Variants in COL11A1 observed in about 807,000 individuals in gnomAD.
The protein encoded by COL11A1 is collagen type XI alpha 1 chain, also known as collagen alpha-1(XI) chain.
In COL11A1, 74 loss-of-function variants were observed where a neutral mutation model predicts 265.2. That is an observed-to-expected ratio of 0.28 (90% CI 0.23 to 0.34). The LOEUF is 0.34. Ranked by LOEUF, COL11A1 falls within the 10% of genes least tolerant of loss-of-function variation. The pLI, the probability that COL11A1 is intolerant of heterozygous loss-of-function variation, is 1.00. For synonymous variants in COL11A1, 816 were observed against 727.6 expected (o/e 1.12, Z -1.96); for missense variants, 2,165 against 2,263.6 (o/e 0.96, Z 0.88).
At chr1:103,105,510 G>A (rs947349512) in intron 1 of COL11A1, among the ~76,000 whole-genome samples, 1 of 151,826 alleles carries the variant, frequency 6.6e-6, no homozygotes, top group African/African-American at 2.4e-5. Flanking sequence ...ATTTTCTTTA[G>A]AGTCTAACTT....
chr1:103,075,306 C>G (rs1671891093), intron 3 of COL11A1, among the ~76,000 whole-genome samples: 1 of 152,156 alleles, frequency 6.6e-6, no homozygotes, highest in South Asian at 2.1e-4. Flanking sequence ...GCTTCTCTGT[C>G]TTTATTCACA....
intron 54 of COL11A1, among the ~76,000 whole-genome samples, chr1:102,906,080 A>G (rs1653947793): frequency 6.6e-6 from 1 of 152,178 alleles, no homozygotes; most frequent in Admixed American, 6.5e-5. Context: ...CCCTTATTCA[A>G]TGCTTAATAA....
chr1:103,068,220 T>G (rs1671302612), intron 4 of COL11A1, among the ~76,000 whole-genome samples: 1 of 151,694 alleles, frequency 6.6e-6, no homozygotes, highest in Non-Finnish European at 1.5e-5. Context: ...AATTATATGT[T>G]ACATTAATAA....
At chr1:103,001,117 A>AG in intron 24 of COL11A1, 1 of 397,450 alleles carries the variant, frequency 2.5e-6, no homozygotes, top group East Asian at 3.6e-5. Flanking sequence ...GCTAGGTCTG[A>AG]GGGGGTGGAA....
chr1:103,074,548 T>A (rs1293850290), intron 4 of COL11A1, 70 bp downstream of exon 4: 1 of 1,560,098 alleles, frequency 6.4e-7, no homozygotes, highest in African/African-American at 1.4e-5. Context: ...TATAAAGCGA[T>A]ATTTTTACTG....
chr1:103,105,004 C>A (rs1674579508), intron 1 of COL11A1, among the ~76,000 whole-genome samples: 1 of 152,068 alleles, frequency 6.6e-6, no homozygotes, highest in Non-Finnish European at 1.5e-5. Context: ...GTTTGATCAG[C>A]CTTTTACAAG....
intron 43 of COL11A1, 117 bp from the exon 44 acceptor site, chr1:102,939,205 A>G: frequency 1.1e-6 from 1 of 933,514 alleles, no homozygotes. Context: ...GTGTAATGTC[A>G]CTGTTTAAAA....
chr1:102,920,207 A>G (rs1655816195), intron 49 of COL11A1, 104 bp downstream of exon 49: 2 of 1,026,644 alleles, frequency 1.9e-6, no homozygotes, highest in African/African-American at 3.1e-5. Flanking sequence ...TAACTATGTA[A>G]AAGGCTTAGA....
chr1:102,959,901 A>G (rs1660733484), intron 41 of COL11A1, among the ~76,000 whole-genome samples: 1 of 152,170 alleles, frequency 6.6e-6, no homozygotes, highest in African/African-American at 2.4e-5. Flanking sequence ...AGCTCAGATG[A>G]TTAGTTCAGT....
chr1:102,985,052 G>C (rs1015519916), intron 30 of COL11A1, among the ~76,000 whole-genome samples: 1 of 151,270 alleles, frequency 6.6e-6, no homozygotes, highest in Non-Finnish European at 1.5e-5. Context: ...GATAAAAAAA[G>C]AATTGAATAA....
rs1159160913 is a variant in COL11A1, at chr1:102,931,412, A to T, written c.3600+3037T>A. On this transcript the variant is annotated intron_variant, in intron 46 of 66. Transcript: ENST00000370096. ...ATGTAGTTGAGCGGTTTTGAGTGAG[A>T]TTCTTAATCCTGAGTTCTAGTTTGA... 4.0e-5 allele frequency among the ~76,000 whole-genome samples: 6 copies of T among 150,146 alleles called. No individual in the cohort carries two copies. The East Asian group carries it at 1.0e-3, about 25-fold the overall frequency.
rs1287632607 is a variant in COL11A1 at position 103,108,396 on chromosome 1, G to C, written c.-218C>G. 38 of 615,486 alleles carry C rather than the reference G, an allele frequency of 6.2e-5. No homozygotes were observed. The highest frequency in any genetic ancestry group is 1.0e-4 in the Non-Finnish European group (35 of 345,052). The allele number at this position is 615,486 out of a possible 1,614,324, so 38.1% of individuals were successfully genotyped here. A position where few individuals can be genotyped will look rare whatever the true frequency, so the allele number is the denominator to read the frequency against. On this transcript the variant is annotated 5_prime_UTR_variant, in exon 1 of 67. Transcript: ENST00000370096. The stretch of plus-strand genomic sequence containing the variant: ...CCCTCTGAGTTGGCCCCACCGGCCG[G>C]GACCCTCCGGCCGCGACCCTCTGAT...
intron 35 of COL11A1, among the ~76,000 whole-genome samples, chr1:102,976,845 C>T (rs1208200219): frequency 6.6e-6 from 1 of 151,916 alleles, no homozygotes; most frequent in Non-Finnish European, 1.5e-5. Context: ...TTCTGTTGTT[C>T]CATTTTTGTT....
intron 23 of COL11A1, among the ~76,000 whole-genome samples, chr1:103,002,215 T>G (rs1665173588): frequency 6.6e-6 from 1 of 152,128 alleles, no homozygotes; most frequent in Non-Finnish European, 1.5e-5. Flanking sequence ...TGGCATTCCC[T>G]AAACATTGAA....
intron 3 of COL11A1, among the ~76,000 whole-genome samples, chr1:103,075,515 T>C (rs755786710): frequency 6.6e-6 from 1 of 152,082 alleles, no homozygotes; most frequent in Non-Finnish European, 1.5e-5. Context: ...CTGCTCCAGC[T>C]AATTTAGAGC....
intron 42 of COL11A1, among the ~76,000 whole-genome samples, chr1:102,945,097 A>C (rs1330331974): frequency 6.6e-6 from 1 of 152,174 alleles, no homozygotes; most frequent in South Asian, 2.1e-4. Context: ...CACCAAAAAA[A>C]CATCTTTTGG....
At chr1:103,094,815 G>C (rs1673613020) in intron 1 of COL11A1, among the ~76,000 whole-genome samples, 1 of 151,990 alleles carries the variant, frequency 6.6e-6, no homozygotes, top group Non-Finnish European at 1.5e-5. Context: ...TGAATGGTAG[G>C]CATTAGTAAT....
intron 9 of COL11A1, among the ~76,000 whole-genome samples, chr1:103,019,794 T>C (rs1666861691): frequency 6.9e-6 from 1 of 143,986 alleles, no homozygotes; most frequent in Non-Finnish European, 1.5e-5. Context: ...TGTGTCCATG[T>C]GATCTCATTG....
chr1:103,001,699 C>A, intron 24 of COL11A1: 1 of 572,822 alleles, frequency 1.7e-6, no homozygotes, highest in South Asian at 2.6e-5. Flanking sequence ...GAGAATGCCA[C>A]ATTTGGAAGC....
Sources: gnomAD v4.1 joint callset for allele counts (sites outside exome capture counted in the v4.1 genomes callset) on GRCh38, gnomAD v4.1.1 for gene constraint, MANE v1.5 for transcripts, NCBI Gene and HGNC (gene_info 2026-07-23, HGNC 2026-07-21) for gene names.